TMEM65: variants seen among roughly 807,000 people sequenced by gnomAD.
TMEM65 encodes the protein transmembrane protein 65.
In TMEM65, 22 loss-of-function variants were observed where a neutral mutation model predicts 25.4. That is an observed-to-expected ratio of 0.86 (90% confidence interval 0.62 to 1.23). The LOEUF (loss-of-function observed/expected upper bound fraction) is 1.23. Ranked by LOEUF, TMEM65 falls within the 50% of genes most tolerant of loss-of-function variation. The probability of loss-of-function intolerance (pLI) is 0.00; values close to 1 mark genes in which losing one functional copy is unlikely to be tolerated. For synonymous variants in TMEM65, 132 were observed against 126.2 expected (o/e 1.05, Z -0.31); for missense variants, 262 against 308.2 (o/e 0.85, Z 1.12).
rs1814404759 is a variant in TMEM65 at position 124,329,352 on chromosome 8, T to C, written c.349+1396A>G. ...AATGAAATTCTAAAAAATCACTAAA[T>C]AAAACATTTACAGTGAAGAGAAAGC... On this transcript the variant is annotated intron_variant, in intron 2 of 6. Transcript: ENST00000297632. Among the ~76,000 whole-genome samples the C allele has an allele frequency of 2.0e-5, 3 of 151,920 alleles. No homozygotes were observed. In the East Asian group the frequency reaches 5.8e-4, roughly 29 times the overall value.
At chr8:124,314,275 C>A (rs1814205182) in intron 6 of TMEM65, among the ~76,000 whole-genome samples, 1 of 152,180 alleles carries the variant, frequency 6.6e-6, no homozygotes, top group South Asian at 2.1e-4. Flanking sequence ...CGTACCCCTG[C>A]ATAGCCACAC....
chr8:124,362,189 G>A (rs745724584), intron 1 of TMEM65, among the ~76,000 whole-genome samples: 4 of 152,060 alleles, frequency 2.6e-5, no homozygotes, highest in Non-Finnish European at 5.9e-5. Flanking sequence ...ACTGTGCCAG[G>A]CCAAGATATG....
intron 1 of TMEM65, among the ~76,000 whole-genome samples, chr8:124,363,699 T>C (rs1420748834): frequency 6.6e-6 from 1 of 150,648 alleles, no homozygotes; most frequent in Non-Finnish European, 1.5e-5. Flanking sequence ...TAGCCGGGCG[T>C]AGTGGCGGGC....
At chr8:124,349,607 T>C (rs766948806) in intron 1 of TMEM65, among the ~76,000 whole-genome samples, 9 of 152,202 alleles carry the variant, frequency 5.9e-5, no homozygotes, top group Admixed American at 1.3e-4. Context: ...TACTCTGATA[T>C]ATAATTAGTC....
At chr8:124,330,940 T>C in intron 1 of TMEM65, 148 bp from the exon 2 acceptor site, 1 of 736,246 alleles carries the variant, frequency 1.4e-6, no homozygotes, top group Non-Finnish European at 2.2e-6. Flanking sequence ...GGACCACATT[T>C]GTCCATACAG....
At chr8:124,357,058 C>CT (rs58523592) in intron 1 of TMEM65, among the ~76,000 whole-genome samples, 70 of 148,114 alleles carry the variant, frequency 4.7e-4, no homozygotes, top group African/African-American at 7.2e-4. Context: ...TCTAGGATAT[C>CT]TTTTTTTTTT....
chr8:124,310,341 T>TA lies in TMEM65; in HGVS notation c.*3618dup, dbSNP rs1814140894. On this transcript the variant is annotated 3_prime_UTR_variant, in exon 7 of 7. Transcript: ENST00000297632. ...TCTTGGATTGTAAGCACAATATTCT[T>TA]AAATTATAGATAAGAAAATGACTCC... The TA allele has an allele frequency of 6.6e-6, 1 of 152,118 alleles. No individual in the cohort carries two copies. Among genetic ancestry groups the TA allele is most frequent in the African/African-American group, 2.4e-5 (1 of 41,406 alleles). 9.4% of individuals were successfully genotyped at this position (152,118 alleles called of 1,614,324 possible).
intron 1 of TMEM65, among the ~76,000 whole-genome samples, chr8:124,339,225 ATATATAT>A (rs2131211370): frequency 1.2e-4 from 5 of 43,218 alleles, no homozygotes; most frequent in Non-Finnish European, 2.8e-4. Flanking sequence ...AAAAAAAAAT[ATATATAT>A]ATATATATAT....
At chr8:124,351,333 T>A (rs1323135986) in intron 1 of TMEM65, among the ~76,000 whole-genome samples, 1 of 152,184 alleles carries the variant, frequency 6.6e-6, no homozygotes, top group Non-Finnish European at 1.5e-5. Context: ...AATCATTCTG[T>A]GACCTTTCAA....
chr8:124,337,232 C>T (rs1814523018), intron 1 of TMEM65, among the ~76,000 whole-genome samples: 1 of 151,868 alleles, frequency 6.6e-6, no homozygotes, highest in South Asian at 2.1e-4. Context: ...ATCCTACAAA[C>T]TCAAAAGCTC....
At chr8:124,331,595 T>G (rs1004786855) in intron 1 of TMEM65, among the ~76,000 whole-genome samples, 3 of 151,594 alleles carry the variant, frequency 2.0e-5, no homozygotes, top group Non-Finnish European at 4.4e-5. Context: ...AAATTAACAA[T>G]TATTACAGGC....
chr8:124,337,777 C>T (rs567368631), intron 1 of TMEM65, among the ~76,000 whole-genome samples: 1 of 151,922 alleles, frequency 6.6e-6, no homozygotes, highest in Non-Finnish European at 1.5e-5. Flanking sequence ...CCTTTGACTC[C>T]GCATTTTAGT....
chr8:124,354,107 G>A (rs1232919956), intron 1 of TMEM65, among the ~76,000 whole-genome samples: 1 of 152,014 alleles, frequency 6.6e-6, no homozygotes, highest in Admixed American at 6.6e-5. Flanking sequence ...AACCCAAATT[G>A]GTTTCTCTCA....
rs962644687 is a variant in TMEM65 at position 124,372,210 on chromosome 8, C to T, written c.-53G>A. ...GGCCGTCCGGCAAGGCGGTTTCTGG[C>T]GCGGCTGAGGCGAGAAGGAGCTGGG... On this transcript the variant is annotated 5_prime_UTR_variant, in exon 1 of 7. Transcript: ENST00000297632. The T allele has an allele frequency of 4.0e-5, 49 of 1,229,816 alleles. No homozygotes were observed. The African/African-American group carries it at 6.1e-4, about 15-fold the overall frequency. The allele number at this position is 1,229,816 out of a possible 1,614,324, so 76.2% of individuals were successfully genotyped here. A position where few individuals can be genotyped will look rare whatever the true frequency, so the allele number is the denominator to read the frequency against.
At position 124,362,130 on chromosome 8, in the gene TMEM65, G is replaced by A. The variant is rs866543641; in HGVS notation, c.304+9724C>T. Among the ~76,000 whole-genome samples the A allele has an allele frequency of 2.0e-4, 30 of 152,012 alleles. No homozygotes were observed. The South Asian group carries it at 4.8e-3, about 24-fold the overall frequency. ...TGGTCTTAAACTCCTGACCTCAGGT[G>A]ATCCACCCGCCTCGGCCTCCCAAAG... On this transcript the variant is annotated intron_variant, in intron 1 of 6. Coordinates refer to ENST00000297632, the MANE Select transcript of TMEM65 (RefSeq NM_194291.3).
intron 6 of TMEM65, among the ~76,000 whole-genome samples, chr8:124,318,059 A>C (rs1814258790): frequency 1.3e-5 from 2 of 152,192 alleles, no homozygotes; most frequent in Non-Finnish European, 2.9e-5. Context: ...ATTTGTGGTA[A>C]ACTTTTGGAT....
chr8:124,344,184 A>C, intron 1 of TMEM65, among the ~76,000 whole-genome samples: 1 of 152,176 alleles, frequency 6.6e-6, no homozygotes, highest in Non-Finnish European at 1.5e-5. Flanking sequence ...AATAAGTGGA[A>C]AATAAGGAAC....
chr8:124,352,360 T>C (rs1258803881), intron 1 of TMEM65, among the ~76,000 whole-genome samples: 9 of 152,018 alleles, frequency 5.9e-5, no homozygotes, highest in Admixed American at 5.9e-4. Flanking sequence ...AAATAGGGCA[T>C]TAAAATTTAA....
intron 6 of TMEM65, among the ~76,000 whole-genome samples, chr8:124,318,252 A>G (rs1443939160): frequency 6.6e-6 from 1 of 151,842 alleles, no homozygotes; most frequent in Non-Finnish European, 1.5e-5. Flanking sequence ...ACGAAGTCCT[A>G]GCTGGACATG....
Sources: allele counts gnomAD v4.1 joint callset (sites outside exome capture counted in the v4.1 genomes callset), GRCh38; gene constraint gnomAD v4.1.1; transcripts MANE v1.5; gene names NCBI Gene and HGNC (gene_info 2026-07-23, HGNC 2026-07-21).